The following PDCD11 variants were observed in gnomAD, a reference collection of about 807,000 sequenced individuals.
The protein encoded by PDCD11 is protein RRP5 homolog.
Under a neutral mutation model 198.9 loss-of-function variants are expected in PDCD11, and 97 were observed. That is an observed-to-expected ratio of 0.49 (90% confidence interval 0.41 to 0.58). The LOEUF (loss-of-function observed/expected upper bound fraction) is 0.58, where lower values mean the gene tolerates loss of function less well. Among genes scored for constraint, PDCD11 ranks in the 20% least tolerant of loss-of-function variants. PDCD11 has a pLI of 0.00. For synonymous variants in PDCD11, 893 were observed against 918.0 expected (o/e 0.97, Z 0.49); for missense variants, 2,102 against 2,312.7 (o/e 0.91, Z 1.87).
chr10:103,434,515 G>C (rs1017593209), intron 24 of PDCD11, 165 bp downstream of exon 24: 2 of 610,648 alleles, frequency 3.3e-6, no homozygotes, highest in Non-Finnish European at 5.8e-6. Context: ...CTTTGCTCTG[G>C]CCCAGTTACT....
intron 1 of PDCD11, 149 bp from the exon 2 acceptor site, chr10:103,398,267 C>A: frequency 1.7e-6 from 1 of 595,694 alleles, no homozygotes. Flanking sequence ...ATGGATTATT[C>A]CGGGCCTGAC....
intron 25 of PDCD11, 21 bp downstream of exon 25, chr10:103,434,996 CTT>C (rs2032092370): frequency 1.4e-6 from 2 of 1,460,932 alleles, no homozygotes; most frequent in Non-Finnish European, 1.8e-6. Context: ...TGTTCTTCCT[CTT>C]TTCACCTGTC....
chr10:103,430,369 C>T (rs138434965), intron 21 of PDCD11, among the ~76,000 whole-genome samples: 8 of 152,292 alleles, frequency 5.3e-5, no homozygotes, highest in Non-Finnish European at 7.3e-5. Flanking sequence ...CATTGGTCAA[C>T]GGACATTTAG....
At chr10:103,412,825 T>C (rs2030881820) in intron 8 of PDCD11, among the ~76,000 whole-genome samples, 1 of 152,228 alleles carries the variant, frequency 6.6e-6, no homozygotes, top group Non-Finnish European at 1.5e-5. Flanking sequence ...CTCTAACTCC[T>C]GAGCTCAAGT....
chr10:103,410,325 A>T (rs1003749224), intron 8 of PDCD11, among the ~76,000 whole-genome samples: 1 of 151,878 alleles, frequency 6.6e-6, no homozygotes, highest in African/African-American at 2.4e-5. Context: ...AGAAGAAGGC[A>T]ACTTTCAGTT....
intron 12 of PDCD11, among the ~76,000 whole-genome samples, chr10:103,415,473 G>A (rs777305544): frequency 5.9e-5 from 9 of 152,228 alleles, no homozygotes; most frequent in Non-Finnish European, 1.3e-4. Context: ...GTTATCAGTA[G>A]CGACTGCCAC....
intron 3 of PDCD11, among the ~76,000 whole-genome samples, chr10:103,402,868 C>T (rs1376912615): frequency 1.3e-5 from 2 of 152,102 alleles, no homozygotes; most frequent in East Asian, 1.9e-4. Context: ...CGAGTACCTG[C>T]GACTACAGGC....
At chr10:103,425,615 A>C in intron 20 of PDCD11, 90 bp downstream of exon 20, 1 of 1,100,352 alleles carries the variant, frequency 9.1e-7, no homozygotes, top group Non-Finnish European at 1.3e-6. Context: ...AAAAAGTTGC[A>C]TGTAAGTCAG....
rs369421016 is a variant in PDCD11 at position 103,445,593 on chromosome 10, C to G, written c.*44C>G. Reference sequence around the variant, plus strand: ...GGACACTGTCAACAATGGGCCAGCCCGGCCCCGCCTCGAGTGCCTGGGCAC... The same window carrying G: ...GGACACTGTCAACAATGGGCCAGCCGGGCCCCGCCTCGAGTGCCTGGGCAC... On this transcript the variant is annotated 3_prime_UTR_variant, in exon 36 of 36. Coordinates refer to ENST00000369797, the MANE Select transcript of PDCD11 (RefSeq NM_014976.2). 9.6e-6 allele frequency: 15 copies of G among 1,565,302 alleles called. No homozygotes were observed. In the Middle Eastern group the frequency reaches 6.8e-4, roughly 71 times the overall value.
rs200516240 is a variant in PDCD11, at chr10:103,425,079, C to T, written c.2859C>T (p.Phe953=). The T allele has an allele frequency of 2.6e-5, 42 of 1,614,116 alleles. No homozygotes were observed. Among genetic ancestry groups the T allele is most frequent in the Non-Finnish European group, 4.2e-6 (5 of 1,180,044 alleles). The change falls in exon 20 of 36, where the codon TTC becomes TTT. Residue 953 remains phenylalanine, a synonymous_variant. Coordinates refer to ENST00000369797, the MANE Select transcript of PDCD11 (RefSeq NM_014976.2). The part of the protein sequence containing the change: ...SLVETGHLAA[F]SLTSHLNDTF... ...TAGAGACGGGCCACCTGGCAGCTTTCTCCCTGACCTCTCACCTCAACGACA... is the reference window on the plus strand; with the variant it reads ...TAGAGACGGGCCACCTGGCAGCTTTTTCCCTGACCTCTCACCTCAACGACA...
chr10:103,408,035 A>G (rs2030567702), intron 7 of PDCD11, among the ~76,000 whole-genome samples: 1 of 152,106 alleles, frequency 6.6e-6, no homozygotes, highest in Admixed American at 6.6e-5. Flanking sequence ...GACCTTGAAC[A>G]GCTTTTTTCC....
chr10:103,442,787 C>T (rs2032445585), intron 32 of PDCD11, among the ~76,000 whole-genome samples: 2 of 152,170 alleles, frequency 1.3e-5, no homozygotes, highest in Non-Finnish European at 1.5e-5. Context: ...TGGTGGTTTT[C>T]CAAACAGAGG....
Position 103,440,870 on chromosome 10 carries a change from G to A in PDCD11, c.4557+20G>A, listed in dbSNP as rs1254763132. On this transcript the variant is annotated intron_variant, in intron 30 of 35. Coordinates refer to ENST00000369797, the MANE Select transcript of PDCD11 (RefSeq NM_014976.2). ...CCCAAGGTGAGGGTGACGTCGCGGG[G>A]AGGGGAAGGCTGCTCCAGGCAAGGG... 4.5e-6 allele frequency: 7 copies of A among 1,554,676 alleles called. No individual in the cohort carries two copies. Among genetic ancestry groups the A allele is most frequent in the Admixed American group, 1.7e-5 (1 of 58,176 alleles).
chr10:103,433,584 T>A (rs1441536595), intron 22 of PDCD11, among the ~76,000 whole-genome samples: 1 of 152,098 alleles, frequency 6.6e-6, no homozygotes, highest in Non-Finnish European at 1.5e-5. Context: ...GTTTAGAAAT[T>A]AAAAATTGGC....
intron 21 of PDCD11, among the ~76,000 whole-genome samples, chr10:103,430,640 T>C (rs536678530): frequency 3.4e-4 from 52 of 152,156 alleles, no homozygotes; most frequent in Non-Finnish European, 6.2e-4. Flanking sequence ...ATTTTCTTTT[T>C]TTTTTTTTTT....
intron 25 of PDCD11, 80 bp from the exon 26 acceptor site, chr10:103,437,935 T>A: frequency 8.9e-7 from 1 of 1,123,734 alleles, no homozygotes; most frequent in South Asian, 1.3e-5. Context: ...TTCGTCAGCC[T>A]GGAGGAGAGG....
intron 12 of PDCD11, 28 bp downstream of exon 12, chr10:103,415,179 T>C: frequency 6.2e-7 from 1 of 1,611,544 alleles, no homozygotes; most frequent in Non-Finnish European, 8.5e-7. Flanking sequence ...TCTCTTGGGG[T>C]TTTGGCTAGA....
intron 18 of PDCD11, 36 bp from the exon 19 acceptor site, chr10:103,423,507 C>T: frequency 6.8e-7 from 1 of 1,471,948 alleles, no homozygotes; most frequent in Non-Finnish European, 9.5e-7. Flanking sequence ...TCACTCTGTT[C>T]CAGAAGGATA....
rs372650795 is a variant in PDCD11, at chr10:103,431,998, C to T, written c.3369-131C>T. On this transcript the variant is annotated intron_variant, in intron 21 of 35. Coordinates refer to ENST00000369797, the MANE Select transcript of PDCD11 (RefSeq NM_014976.2). ...GGACATTCCCCTTTGAGGAGAGAAACGGCCTTGGAGGGTGAGTATGAGTAG... is the reference window on the plus strand; with the variant it reads ...GGACATTCCCCTTTGAGGAGAGAAATGGCCTTGGAGGGTGAGTATGAGTAG... 1.2e-4 allele frequency: 76 copies of T among 649,020 alleles called. No homozygotes were observed. In the Middle Eastern group the frequency reaches 1.5e-3, roughly 12 times the overall value. 40.2% of individuals were successfully genotyped at this position (649,020 alleles called of 1,614,324 possible). A position where few individuals can be genotyped will look rare whatever the true frequency, so the allele number is the denominator to read the frequency against.
Sources: allele counts gnomAD v4.1 joint callset (sites outside exome capture counted in the v4.1 genomes callset), GRCh38; gene constraint gnomAD v4.1.1; transcripts MANE v1.5; gene names NCBI Gene and HGNC (gene_info 2026-07-23, HGNC 2026-07-21).